TMPRSS12: variants seen among roughly 807,000 people sequenced by gnomAD.
TMPRSS12 encodes transmembrane serine protease 12, also known as transmembrane protease serine 12.
TMPRSS12 carries 25 observed loss-of-function variants against 26.0 expected under a neutral mutation model. That is an observed-to-expected ratio of 0.96 (90% CI 0.70 to 1.34). TMPRSS12 has a LOEUF of 1.34. Ranked by LOEUF, TMPRSS12 falls within the 40% of genes most tolerant of loss-of-function variation. TMPRSS12 has a pLI of 0.00. For missense variants in TMPRSS12, 441 were observed against 440.1 expected, an observed-to-expected ratio of 1.00 and a Z score of -0.02; for synonymous variants, 150 against 161.7, an observed-to-expected ratio of 0.93 and a Z score of 0.55.
Position 50,887,548 on chromosome 12 carries a change from ATT to A in TMPRSS12, c.*36_*37del. Reference sequence around the variant, plus strand: ...GAAGGCTTTCATATCTTTATTTTGCATTGTGTCCCTTTCTATGTTCTATATAA... The same window carrying A: ...GAAGGCTTTCATATCTTTATTTTGCAGTGTCCCTTTCTATGTTCTATATAA... On this transcript the variant is annotated 3_prime_UTR_variant, in exon 5 of 5. Coordinates refer to ENST00000398458, the MANE Select transcript of TMPRSS12 (RefSeq NM_182559.3). 6.3e-7 allele frequency: 1 copy of A among 1,593,874 alleles called. No homozygotes were observed. Among genetic ancestry groups the A allele is most frequent in the East Asian group, 2.2e-5 (1 of 44,730 alleles).
Position 50,843,886 on chromosome 12 carries a change from A to T in TMPRSS12, c.232A>T (p.Ile78Phe). ...PLKDVLQGSR[I>F]IGGTEAQAGA... ...TAAGGATGTGTTGCAAGGGTCTCGG[A>T]TTATAGGGGGCACCGAAGCACAAGC... is the stretch of plus-strand genomic sequence containing the variant. Residue 78 changes from isoleucine to phenylalanine, a missense_variant, in exon 2 of 5, where the codon ATT becomes TTT. Ile to Phe is a conservative substitution (Grantham distance 21). Transcript: ENST00000398458. The T allele has an allele frequency of 1.3e-6, 2 of 1,567,880 alleles. No individual in the cohort carries two copies. Among genetic ancestry groups the T allele is most frequent in the Non-Finnish European group, 1.7e-6 (2 of 1,156,126 alleles).
intron 3 of TMPRSS12, among the ~76,000 whole-genome samples, chr12:50,875,821 G>A (rs1033730072): frequency 2.0e-5 from 3 of 152,052 alleles, no homozygotes; most frequent in African/African-American, 4.8e-5. Context: ...CCCAAGAAAC[G>A]CCATTCTGGA....
chr12:50,880,966 C>CTTTTTTTTTT lies in TMPRSS12; in HGVS notation c.653-4256_653-4247dup, dbSNP rs869152225. The stretch of plus-strand genomic sequence containing the variant: ...CTATAGAGACAGGAATCAGTAATTT[C>CTTTTTTTTTT]TTTTTTTTTTTTTTTTTTTTTTTTT... On this transcript the variant is annotated intron_variant, in intron 3 of 4. Transcript: ENST00000398458. Among the ~76,000 whole-genome samples, 39 of 61,800 alleles carry CTTTTTTTTTT rather than the reference C, an allele frequency of 6.3e-4. 2 individuals are homozygous for CTTTTTTTTTT. Among genetic ancestry groups the CTTTTTTTTTT allele is most frequent in the Non-Finnish European group, 6.6e-4 (23 of 34,862 alleles). 40.5% of individuals were successfully genotyped at this position (61,800 alleles called of 152,430 possible). A position where few individuals can be genotyped will look rare whatever the true frequency, so the allele number is the denominator to read the frequency against.
intron 3 of TMPRSS12, among the ~76,000 whole-genome samples, chr12:50,873,305 C>G (rs917332096): frequency 6.6e-6 from 1 of 151,688 alleles, no homozygotes; most frequent in Non-Finnish European, 1.5e-5. Flanking sequence ...CTCTTGTAAC[C>G]AAACACCACC....
At position 50,887,002 on chromosome 12, in the gene TMPRSS12, T is replaced by C. The variant is rs879853189; in HGVS notation, c.796-260T>C. ...TTAAAAATCCAAACAATTTGATTTA[T>C]AGTATTCTGGCTCAAAACCAGGCAG... On this transcript the variant is annotated intron_variant, in intron 4 of 4. Transcript: ENST00000398458. The C allele has an allele frequency of 4.3e-5, 17 of 393,352 alleles. No homozygotes were observed. The East Asian group carries it at 7.2e-4, about 17-fold the overall frequency. The allele number at this position is 393,352 out of a possible 1,614,324, so 24.4% of individuals were successfully genotyped here.
At chr12:50,873,447 T>C (rs1938085783) in intron 3 of TMPRSS12, among the ~76,000 whole-genome samples, 1 of 152,146 alleles carries the variant, frequency 6.6e-6, no homozygotes, top group Admixed American at 6.5e-5. Flanking sequence ...TATCATTCAA[T>C]AATATCTGTG....
intron 2 of TMPRSS12, among the ~76,000 whole-genome samples, chr12:50,844,675 A>G (rs969566856): frequency 2.6e-5 from 4 of 152,256 alleles, no homozygotes; most frequent in Admixed American, 2.0e-4. Context: ...ATGCTCGATC[A>G]TGGATCTTTT....
At chr12:50,863,716 T>C (rs188134049) in intron 3 of TMPRSS12, among the ~76,000 whole-genome samples, 1 of 152,214 alleles carries the variant, frequency 6.6e-6, no homozygotes, top group East Asian at 1.9e-4. Flanking sequence ...AATGACAAAA[T>C]TATGCAGACA....
chr12:50,874,102 T>A (rs1001937809), intron 3 of TMPRSS12, among the ~76,000 whole-genome samples: 7 of 151,692 alleles, frequency 4.6e-5, no homozygotes, highest in Admixed American at 3.3e-4. Context: ...TCTTCCCATT[T>A]AAAAAAAACC....
chr12:50,876,436 G>A (rs965586417), intron 3 of TMPRSS12, among the ~76,000 whole-genome samples: 15 of 152,226 alleles, frequency 9.9e-5, no homozygotes, highest in African/African-American at 2.9e-4. Flanking sequence ...CCAAAAAGAC[G>A]CATGCACTCC....
intron 3 of TMPRSS12, among the ~76,000 whole-genome samples, chr12:50,867,194 C>G (rs751443863): frequency 6.6e-6 from 1 of 152,102 alleles, no homozygotes; most frequent in Non-Finnish European, 1.5e-5. Flanking sequence ...CATGGAGGCT[C>G]CAGAGAAAGG....
At chr12:50,880,529 G>A (rs1408414143) in intron 3 of TMPRSS12, among the ~76,000 whole-genome samples, 1 of 152,154 alleles carries the variant, frequency 6.6e-6, no homozygotes, top group Non-Finnish European at 1.5e-5. Context: ...TTGCTGAGGA[G>A]AATGTAAAAT....
intron 4 of TMPRSS12, 167 bp downstream of exon 4, chr12:50,885,555 G>C (rs1161047770): frequency 1.2e-6 from 1 of 845,662 alleles, no homozygotes; most frequent in African/African-American, 1.7e-5. Context: ...CTTGGTTCCT[G>C]ATTCCATGGT....
At chr12:50,849,598 C>T (rs1937805839) in intron 2 of TMPRSS12, among the ~76,000 whole-genome samples, 1 of 152,080 alleles carries the variant, frequency 6.6e-6, no homozygotes, top group Admixed American at 6.5e-5. Flanking sequence ...TACAGTTTTT[C>T]CATTTCCAGG....
chr12:50,870,564 C>A (rs970730300), intron 3 of TMPRSS12, among the ~76,000 whole-genome samples: 2 of 152,162 alleles, frequency 1.3e-5, no homozygotes, highest in African/African-American at 4.8e-5. Context: ...CCCACTGTCA[C>A]CTCTCCTCTT....
At chr12:50,855,782 A>G (rs774971728) in intron 2 of TMPRSS12, among the ~76,000 whole-genome samples, 4 of 152,230 alleles carry the variant, frequency 2.6e-5, no homozygotes, top group Non-Finnish European at 5.9e-5. Context: ...ACTATTCACA[A>G]TAGCAAAGAC....
At chr12:50,857,749 A>G (rs1334785121) in intron 2 of TMPRSS12, among the ~76,000 whole-genome samples, 1 of 151,922 alleles carries the variant, frequency 6.6e-6, no homozygotes, top group Non-Finnish European at 1.5e-5. Flanking sequence ...TCTTGCGTCA[A>G]TGTTATATAT....
At chr12:50,872,746 G>A (rs1206013681) in intron 3 of TMPRSS12, among the ~76,000 whole-genome samples, 1 of 47,906 alleles carries the variant, frequency 2.1e-5, no homozygotes, top group Non-Finnish European at 3.9e-5. Context: ...ATATATATAC[G>A]TCTATATATG....
At chr12:50,851,719 AT>A (rs1445022912) in intron 2 of TMPRSS12, among the ~76,000 whole-genome samples, 1 of 152,196 alleles carries the variant, frequency 6.6e-6, no homozygotes, top group Admixed American at 6.5e-5. Context: ...TTATACAAGA[AT>A]ACCATCCCCA....
Sources: gnomAD v4.1 joint callset for allele counts (sites outside exome capture counted in the v4.1 genomes callset) on GRCh38, gnomAD v4.1.1 for gene constraint, MANE v1.5 for transcripts, NCBI Gene and HGNC (gene_info 2026-07-23, HGNC 2026-07-21) for gene names.